Variants in SLC41A2 observed in about 807,000 individuals in gnomAD.
SLC41A2 encodes the protein SLC41A1-like 1.
In SLC41A2, 32 loss-of-function variants were observed where a neutral mutation model predicts 58.3. The observed-to-expected ratio is 0.55, with a 90% CI of 0.41 to 0.74. The LOEUF (loss-of-function observed/expected upper bound fraction) is 0.74, where lower values mean the gene tolerates loss of function less well. Among genes scored for constraint, SLC41A2 ranks in the 30% least tolerant of loss-of-function variants. The pLI is 0.00. For synonymous variants in SLC41A2, 190 were observed against 235.0 expected (o/e 0.81, Z 1.75); for missense variants, 514 against 680.6 (o/e 0.76, Z 2.72).
At position 104,894,065 on chromosome 12, in the gene SLC41A2, T is replaced by C. The variant is rs1029554090; in HGVS notation, c.735+1209A>G. On this transcript the variant is annotated intron_variant, in intron 4 of 10. Transcript: ENST00000258538. ...GATGGATATACCATTTTAGATGATG[T>C]GATTGTTATGCACTGCAGCCTGTAT... 7.9e-5 allele frequency among the ~76,000 whole-genome samples: 12 copies of C among 152,310 alleles called. No homozygotes were observed. In the East Asian group the frequency reaches 2.3e-3, roughly 29 times the overall value.
intron 1 of SLC41A2, among the ~76,000 whole-genome samples, chr12:104,935,236 G>A (rs1277338367): frequency 6.6e-6 from 1 of 152,122 alleles, no homozygotes; most frequent in African/African-American, 2.4e-5. Context: ...TGGGATCATA[G>A]GCATGAGCCA....
chr12:104,956,108 A>G (rs988103046), intron 1 of SLC41A2, among the ~76,000 whole-genome samples: 9 of 152,222 alleles, frequency 5.9e-5, no homozygotes, highest in African/African-American at 2.2e-4. Context: ...GAAAATACCA[A>G]TTAAGGGTGG....
chr12:104,828,845 TA>T (rs143717715), intron 10 of SLC41A2, among the ~76,000 whole-genome samples: 3,395 of 148,494 alleles, frequency 0.023, 98 homozygotes, highest in African/African-American at 0.07. Flanking sequence ...CAACCCAATT[TA>T]AAAAAAAAAT....
intron 7 of SLC41A2, among the ~76,000 whole-genome samples, chr12:104,863,079 G>T (rs542167197): frequency 1.9e-3 from 294 of 152,266 alleles, no homozygotes; most frequent in Non-Finnish European, 3.4e-3. Flanking sequence ...AAAATTAAAT[G>T]ATAAAAGTAG....
chr12:104,820,816 C>A (rs1592934796), intron 10 of SLC41A2, among the ~76,000 whole-genome samples: 1 of 151,814 alleles, frequency 6.6e-6, no homozygotes, highest in Admixed American at 6.6e-5. Flanking sequence ...CTAATTTTTT[C>A]GTATTTTTAG....
intron 8 of SLC41A2, among the ~76,000 whole-genome samples, chr12:104,853,387 T>C (rs1178795174): frequency 6.6e-6 from 1 of 152,192 alleles, no homozygotes; most frequent in Non-Finnish European, 1.5e-5. Context: ...CATCTCTATG[T>C]ACCTCTGCAT....
At chr12:104,872,651 G>A (rs2043844051) in intron 6 of SLC41A2, among the ~76,000 whole-genome samples, 1 of 152,042 alleles carries the variant, frequency 6.6e-6, no homozygotes, top group African/African-American at 2.4e-5. Context: ...AACTGCTTGA[G>A]CCTGGGAGGC....
intron 2 of SLC41A2, among the ~76,000 whole-genome samples, chr12:104,912,587 A>G (rs1565895903): frequency 1.3e-5 from 2 of 152,190 alleles, no homozygotes; most frequent in African/African-American, 2.4e-5. Flanking sequence ...CTCGCCCTAC[A>G]TATTTCTTCA....
intron 2 of SLC41A2, among the ~76,000 whole-genome samples, chr12:104,910,750 T>A (rs189328430): frequency 1.6e-4 from 24 of 152,198 alleles, no homozygotes; most frequent in Non-Finnish European, 2.9e-5. Context: ...CAGTCTTTAG[T>A]ATAGCATCAC....
intron 10 of SLC41A2, 25 bp from the exon 11 acceptor site, chr12:104,805,362 T>A (rs372089750): frequency 1.7e-4 from 273 of 1,593,002 alleles, no homozygotes; most frequent in Admixed American, 2.4e-4. Context: ...CAGAGATTAC[T>A]CCGGCTGCCT....
intron 3 of SLC41A2, among the ~76,000 whole-genome samples, chr12:104,901,539 T>TTTTATTTA (rs754375681): frequency 1.3e-5 from 2 of 151,826 alleles, no homozygotes; most frequent in Admixed American, 6.6e-5. Flanking sequence ...GGAAACCTAT[T>TTTTATTTA]TTTATTTATT....
chr12:104,905,933 GC>G (rs569538104), intron 3 of SLC41A2, among the ~76,000 whole-genome samples: 84 of 152,338 alleles, frequency 5.5e-4, no homozygotes, highest in Middle Eastern at 6.8e-3. Context: ...GTGGGCTCCG[GC>G]CTTGGCCAGC....
intron 4 of SLC41A2, among the ~76,000 whole-genome samples, chr12:104,890,991 T>C (rs1338520616): frequency 6.6e-6 from 1 of 152,092 alleles, no homozygotes. Flanking sequence ...TGCCAGCCCA[T>C]CCTACTCCCC....
chr12:104,905,778 G>A (rs1712531242), intron 3 of SLC41A2, among the ~76,000 whole-genome samples: 1 of 152,248 alleles, frequency 6.6e-6, no homozygotes, highest in Non-Finnish European at 1.5e-5. Context: ...CCATTGCCCG[G>A]GGACAGCAGG....
intron 8 of SLC41A2, among the ~76,000 whole-genome samples, chr12:104,849,113 C>T (rs906843315): frequency 2.0e-5 from 3 of 152,004 alleles, no homozygotes; most frequent in African/African-American, 7.3e-5. Flanking sequence ...TTAAGTTTTG[C>T]AAGATGATAA....
intron 3 of SLC41A2, among the ~76,000 whole-genome samples, chr12:104,908,626 C>T (rs187784273): frequency 4.1e-4 from 62 of 152,344 alleles, no homozygotes; most frequent in Non-Finnish European, 8.1e-4. Context: ...GCAGATAGCT[C>T]ATTGAAGTGA....
intron 2 of SLC41A2, among the ~76,000 whole-genome samples, chr12:104,923,653 C>A (rs2135858983): frequency 6.6e-6 from 1 of 152,056 alleles, no homozygotes; most frequent in South Asian, 2.1e-4. Flanking sequence ...ACTGAGACCA[C>A]AAAAATACAA....
chr12:104,830,421 G>A (rs1056494404), intron 10 of SLC41A2, among the ~76,000 whole-genome samples: 1 of 152,104 alleles, frequency 6.6e-6, no homozygotes, highest in Non-Finnish European at 1.5e-5. Context: ...CACTCATGAG[G>A]ATTCAATGTA....
intron 2 of SLC41A2, among the ~76,000 whole-genome samples, chr12:104,912,724 A>G (rs2046138947): frequency 6.6e-6 from 1 of 152,216 alleles, no homozygotes; most frequent in African/African-American, 2.4e-5. Context: ...GCTTAAAGCC[A>G]GTTGGTCAGA....
Sources: allele counts gnomAD v4.1 joint callset (sites outside exome capture counted in the v4.1 genomes callset), GRCh38; gene constraint gnomAD v4.1.1; transcripts MANE v1.5; gene names NCBI Gene and HGNC (gene_info 2026-07-23, HGNC 2026-07-21).